The following ST8SIA4 variants were observed in gnomAD, a reference collection of about 807,000 sequenced individuals.
ST8SIA4 encodes ST8 alpha-N-acetyl-neuraminide alpha-2,8-sialyltransferase 4, also known as CMP-N-acetylneuraminate-poly-alpha-2,8-sialyltransferase.
A neutral mutation model predicts 33.9 loss-of-function variants in ST8SIA4; 15 were observed. That is an observed-to-expected ratio of 0.44 (90% CI 0.30 to 0.68). The LOEUF is 0.68. ST8SIA4 is among the 30% of genes least tolerant of loss of function. The pLI is 0.10. For missense variants in ST8SIA4, 321 were observed against 428.0 expected (o/e 0.75, Z 2.21); for synonymous variants, 171 against 151.2 (o/e 1.13, Z -0.96).
chr5:100,903,021 T>G lies in ST8SIA4; in HGVS notation c.-66A>C. The stretch of plus-strand genomic sequence containing the variant: ...ACCTTCTCTTGATATAAAGGCTCCG[T>G]TTTGGGGAGATAGTCGCGGGGGTGA... On this transcript the variant is annotated 5_prime_UTR_variant, in exon 1 of 5. Transcript: ENST00000231461. 1.7e-6 allele frequency: 2 copies of G among 1,164,536 alleles called. No homozygotes were observed. Among genetic ancestry groups the G allele is most frequent in the Non-Finnish European group, 2.6e-6 (2 of 779,608 alleles). 72.1% of individuals were successfully genotyped at this position (1,164,536 alleles called of 1,614,324 possible).
rs527306897 is a variant in ST8SIA4 at position 100,895,633 on chromosome 5, T to A, written c.245+21A>T. On this transcript the variant is annotated intron_variant, in intron 2 of 4. Coordinates refer to ENST00000231461, the MANE Select transcript of ST8SIA4 (RefSeq NM_005668.6). ...TGAGAACATGATGTGAAATTTATTATGCCTTAGTAAAGAAACTCACCTTAT... is the reference window on the plus strand; with the variant it reads ...TGAGAACATGATGTGAAATTTATTAAGCCTTAGTAAAGAAACTCACCTTAT... 1.1e-5 allele frequency: 17 copies of A among 1,596,984 alleles called. No homozygotes were observed. The African/African-American group carries it at 2.0e-4, about 19-fold the overall frequency.
At chr5:100,846,505 C>G (rs2112428746) in intron 4 of ST8SIA4, among the ~76,000 whole-genome samples, 1 of 151,994 alleles carries the variant, frequency 6.6e-6, no homozygotes. Flanking sequence ...GAAGAATGTT[C>G]CAAAAGGGAA....
intron 4 of ST8SIA4, among the ~76,000 whole-genome samples, chr5:100,845,573 A>T (rs2112427974): frequency 6.6e-6 from 1 of 152,008 alleles, no homozygotes; most frequent in South Asian, 2.1e-4. Context: ...TTACCTGTGC[A>T]CCTTCTATCA....
chr5:100,886,177 T>G (rs1752532109), intron 3 of ST8SIA4, 166 bp downstream of exon 3: 3 of 1,417,978 alleles, frequency 2.1e-6, no homozygotes, highest in South Asian at 1.6e-5. Context: ...AATTATAATA[T>G]TCTATTCCAG....
At chr5:100,823,025 G>C (rs903266960) in intron 4 of ST8SIA4, among the ~76,000 whole-genome samples, 3 of 152,112 alleles carry the variant, frequency 2.0e-5, no homozygotes, top group African/African-American at 7.2e-5. Context: ...CAGCTACTCG[G>C]GGGGCTGAGG....
chr5:100,842,777 A>G (rs1751494943), intron 4 of ST8SIA4, among the ~76,000 whole-genome samples: 5 of 151,862 alleles, frequency 3.3e-5, no homozygotes. Flanking sequence ...TTTAATTAAG[A>G]TTCACCAGTG....
chr5:100,809,234 GAGGTCAGGA>G lies in ST8SIA4; in HGVS notation c.*2604_*2612del, dbSNP rs1750755182. ...GGAGGCTGAGGTGGGTGGATAACCTGAGGTCAGGAAGTTCAAGACCAGCCTGGCCAACAT... is the reference window on the plus strand; with the variant it reads ...GGAGGCTGAGGTGGGTGGATAACCTGAGTTCAAGACCAGCCTGGCCAACAT... On this transcript the variant is annotated 3_prime_UTR_variant, in exon 5 of 5. Transcript: ENST00000231461. The G allele has an allele frequency of 6.6e-6, 1 of 152,200 alleles. No individual in the cohort carries two copies. The highest frequency in any genetic ancestry group is 2.1e-4 in the South Asian group (1 of 4,820). The allele number at this position is 152,200 out of a possible 1,614,324, so 9.4% of individuals were successfully genotyped here. A position where few individuals can be genotyped will look rare whatever the true frequency, so the allele number is the denominator to read the frequency against.
intron 4 of ST8SIA4, among the ~76,000 whole-genome samples, chr5:100,813,665 C>A (rs192704391): frequency 1.7e-4 from 26 of 152,064 alleles, no homozygotes; most frequent in Non-Finnish European, 1.8e-4. Flanking sequence ...TTTGAAGAAA[C>A]TATGATGTGG....
chr5:100,880,587 CT>C (rs931781256), intron 3 of ST8SIA4, among the ~76,000 whole-genome samples: 28 of 152,212 alleles, frequency 1.8e-4, no homozygotes, highest in African/African-American at 6.3e-4. Context: ...TAAGAAGCTG[CT>C]TTATGATGAA....
chr5:100,851,812 G>T (rs537525360), intron 4 of ST8SIA4, among the ~76,000 whole-genome samples: 108 of 151,934 alleles, frequency 7.1e-4, no homozygotes, highest in Non-Finnish European at 1.4e-3. Context: ...TCCCACCAAA[G>T]TAAAAACAAC....
chr5:100,818,471 T>A (rs924003297), intron 4 of ST8SIA4, among the ~76,000 whole-genome samples: 10 of 152,206 alleles, frequency 6.6e-5, no homozygotes, highest in Non-Finnish European at 1.2e-4. Context: ...GTACTTTCAC[T>A]ATATATTTTA....
chr5:100,821,809 T>A (rs1270884976), intron 4 of ST8SIA4, among the ~76,000 whole-genome samples: 1 of 152,078 alleles, frequency 6.6e-6, no homozygotes, highest in African/African-American at 2.4e-5. Context: ...CATTTGGGGG[T>A]TAGTCAAATA....
At chr5:100,881,664 T>C (rs569881887) in intron 3 of ST8SIA4, among the ~76,000 whole-genome samples, 1 of 152,162 alleles carries the variant, frequency 6.6e-6, no homozygotes, top group African/African-American at 2.4e-5. Flanking sequence ...TTTAGCTGGG[T>C]CCCCACCCAA....
chr5:100,900,441 A>C (rs1235893007), intron 1 of ST8SIA4: 1 of 456,264 alleles, frequency 2.2e-6, no homozygotes, highest in South Asian at 1.5e-5. Flanking sequence ...TGGTTTTATG[A>C]GTCAACTCCT....
chr5:100,834,985 A>G (rs1751340043), intron 4 of ST8SIA4, among the ~76,000 whole-genome samples: 1 of 152,152 alleles, frequency 6.6e-6, no homozygotes, highest in South Asian at 2.1e-4. Context: ...TTCTTGGATT[A>G]TTGTTTTTTT....
chr5:100,881,933 T>C (rs553716466), intron 3 of ST8SIA4, among the ~76,000 whole-genome samples: 2 of 152,322 alleles, frequency 1.3e-5, no homozygotes, highest in African/African-American at 4.8e-5. Flanking sequence ...GTAAGTCCAA[T>C]TAAACCTCTT....
chr5:100,890,108 T>C (rs776418095), intron 2 of ST8SIA4, among the ~76,000 whole-genome samples: 9 of 151,874 alleles, frequency 5.9e-5, no homozygotes, highest in Non-Finnish European at 7.4e-5. Flanking sequence ...ATTCCATTTA[T>C]AGGATCCAAG....
At chr5:100,827,467 T>C (rs1751170568) in intron 4 of ST8SIA4, among the ~76,000 whole-genome samples, 1 of 152,188 alleles carries the variant, frequency 6.6e-6, no homozygotes, top group African/African-American at 2.4e-5. Flanking sequence ...TCTGCATATT[T>C]AATATGGACC....
chr5:100,853,804 T>C (rs1001954087), intron 4 of ST8SIA4, among the ~76,000 whole-genome samples: 6 of 152,210 alleles, frequency 3.9e-5, no homozygotes, highest in Non-Finnish European at 8.8e-5. Context: ...ACTCCTCTTA[T>C]TTCATGCTTT....
Sources: allele counts gnomAD v4.1 joint callset (sites outside exome capture counted in the v4.1 genomes callset), GRCh38; gene constraint gnomAD v4.1.1; transcripts MANE v1.5; gene names NCBI Gene and HGNC (gene_info 2026-07-23, HGNC 2026-07-21).